The following PLA2G4A variants were observed in gnomAD, a reference collection of about 807,000 sequenced individuals.
The protein encoded by PLA2G4A is phospholipase A2 group IVA.
PLA2G4A carries 40 observed loss-of-function variants against 81.9 expected under a neutral mutation model. That is an observed-to-expected ratio of 0.49 (90% CI 0.38 to 0.64). PLA2G4A has a LOEUF of 0.64. Ranked by LOEUF, PLA2G4A falls within the 30% of genes least tolerant of loss-of-function variation. The pLI is 0.00. For synonymous variants in PLA2G4A, 302 were observed against 296.9 expected, an observed-to-expected ratio of 1.02 and a Z score of -0.18; for missense variants, 715 against 905.1, an observed-to-expected ratio of 0.79 and a Z score of 2.69.
intron 10 of PLA2G4A, among the ~76,000 whole-genome samples, chr1:186,942,404 C>T (rs1304417315): frequency 6.6e-6 from 1 of 152,094 alleles, no homozygotes; most frequent in Non-Finnish European, 1.5e-5. Context: ...ATTTAAAAGC[C>T]TTGTCTTACA....
In PLA2G4A at chr1:186,953,275, T is replaced by A. The variant is rs148115668; in HGVS notation, c.1336+2547T>A. Among the ~76,000 whole-genome samples, 989 of 152,334 alleles carry A rather than the reference T, an allele frequency of 6.5e-3. 3 individuals are homozygous for A. Among genetic ancestry groups the A allele is most frequent in the Middle Eastern group, 0.041 (12 of 294 alleles). On this transcript the variant is annotated intron_variant, in intron 13 of 17. Transcript: ENST00000367466. ...ATTGGTCATTCTAATAGGTATGTAG[T>A]AGTATCTTTTTATTGTTTTAATTTG...
Position 186,854,270 on chromosome 1 carries a change from A to G in PLA2G4A, c.-69-16A>G, listed in dbSNP as rs1652476207. 1 of 812,952 alleles carries G rather than the reference A, an allele frequency of 1.2e-6. No individual in the cohort carries two copies. The highest frequency in any genetic ancestry group is 2.2e-6 in the Non-Finnish European group (1 of 456,654). The allele number at this position is 812,952 out of a possible 1,614,324, so 50.4% of individuals were successfully genotyped here. A position where few individuals can be genotyped will look rare whatever the true frequency, so the allele number is the denominator to read the frequency against. On this transcript the variant is annotated splice_polypyrimidine_tract_variant and intron_variant, in intron 1 of 17. Coordinates refer to ENST00000367466, the MANE Select transcript of PLA2G4A (RefSeq NM_024420.3). ...TCCAAGAGGAAGCTTAACAATAGTG[A>G]TTGTTTATTTTGTAGGTTTTAAAGA...
Position 186,979,420 on chromosome 1 carries a change from C to T in PLA2G4A, c.2066C>T (p.Ala689Val). The T allele has an allele frequency of 6.3e-7, 1 of 1,599,954 alleles. No individual in the cohort carries two copies. Reference sequence around the variant, plus strand: ...TTCAATTTTCAATATCCAAATCAAGCATTCAAAAGACTACATGATCTTATG... The same window carrying T: ...TTCAATTTTCAATATCCAAATCAAGTATTCAAAAGACTACATGATCTTATG... ...STFNFQYPNQ[A>V]FKRLHDLMHF... The change falls in exon 17 of 18, where the codon GCA becomes GTA. Residue 689 changes from alanine to valine, a missense_variant. Transcript: ENST00000367466.
intron 1 of PLA2G4A, among the ~76,000 whole-genome samples, chr1:186,831,453 C>T (rs188933747): frequency 3.1e-4 from 47 of 152,196 alleles, no homozygotes; most frequent in Non-Finnish European, 5.3e-4. Context: ...TACAATATTA[C>T]GCTTGACATT....
chr1:186,872,411 A>G (rs983017871), intron 3 of PLA2G4A, among the ~76,000 whole-genome samples: 5 of 152,088 alleles, frequency 3.3e-5, no homozygotes, highest in African/African-American at 9.7e-5. Flanking sequence ...TCTTAATTCC[A>G]CTAAATTCTG....
At chr1:186,913,890 A>G (rs1236893403) in intron 7 of PLA2G4A, among the ~76,000 whole-genome samples, 1 of 152,122 alleles carries the variant, frequency 6.6e-6, no homozygotes, top group Non-Finnish European at 1.5e-5. Flanking sequence ...CAGATTTGCA[A>G]ATATGTTTTA....
chr1:186,984,529 AT>A, intron 17 of PLA2G4A, among the ~76,000 whole-genome samples: 1 of 152,250 alleles, frequency 6.6e-6, no homozygotes, highest in Non-Finnish European at 1.5e-5. Flanking sequence ...TTAAATGTTA[AT>A]TAAAATGAGG....
intron 15 of PLA2G4A, among the ~76,000 whole-genome samples, chr1:186,967,761 T>G (rs1657181166): frequency 6.6e-6 from 1 of 152,052 alleles, no homozygotes; most frequent in Non-Finnish European, 1.5e-5. Context: ...AGGAGTGATC[T>G]GATTAGAAGT....
At chr1:186,980,487 T>A (rs1240226567) in intron 17 of PLA2G4A, among the ~76,000 whole-genome samples, 1 of 152,214 alleles carries the variant, frequency 6.6e-6, no homozygotes, top group East Asian at 1.9e-4. Flanking sequence ...TTCAGTGGCC[T>A]AATTGGATTT....
intron 3 of PLA2G4A, among the ~76,000 whole-genome samples, chr1:186,879,378 G>A (rs1244786331): frequency 6.6e-6 from 1 of 151,940 alleles, no homozygotes; most frequent in African/African-American, 2.4e-5. Flanking sequence ...CTGAGTATGT[G>A]CTATGTAGTT....
At position 186,843,470 on chromosome 1, in the gene PLA2G4A, C is replaced by T. The variant is rs12033196; in HGVS notation, c.-69-10816C>T. ...GTCAATAGTAATTGAATTATCACTCCGGGCCCAACAGGAATACAGGGAGAA... is the reference window on the plus strand; with the variant it reads ...GTCAATAGTAATTGAATTATCACTCTGGGCCCAACAGGAATACAGGGAGAA... On this transcript the variant is annotated intron_variant, in intron 1 of 17. Coordinates refer to ENST00000367466, the MANE Select transcript of PLA2G4A (RefSeq NM_024420.3). 3.9e-5 allele frequency among the ~76,000 whole-genome samples: 6 copies of T among 152,272 alleles called. No homozygotes were observed. In the East Asian group the frequency reaches 5.8e-4, roughly 15 times the overall value.
chr1:186,952,038 T>C (rs1454723308), intron 13 of PLA2G4A, among the ~76,000 whole-genome samples: 1 of 152,158 alleles, frequency 6.6e-6, no homozygotes, highest in Non-Finnish European at 1.5e-5. Context: ...TTTTTAAAAT[T>C]TAAAATTTAT....
chr1:186,971,089 C>A (rs1447488902), intron 15 of PLA2G4A, among the ~76,000 whole-genome samples: 2 of 151,776 alleles, frequency 1.3e-5, no homozygotes, highest in Non-Finnish European at 2.9e-5. Flanking sequence ...ATATTTAACT[C>A]ATTAATCTTT....
chr1:186,981,836 T>A (rs1657728056), intron 17 of PLA2G4A, among the ~76,000 whole-genome samples: 1 of 152,158 alleles, frequency 6.6e-6, no homozygotes, highest in Non-Finnish European at 1.5e-5. Flanking sequence ...TAACTCATCT[T>A]GAAGAAAGAA....
At chr1:186,955,815 C>CCT (rs1220078445) in intron 13 of PLA2G4A, among the ~76,000 whole-genome samples, 1 of 146,058 alleles carries the variant, frequency 6.8e-6, no homozygotes, top group African/African-American at 2.5e-5. Context: ...CTCACTGCAA[C>CCT]CTCCGCCTCC....
intron 7 of PLA2G4A, among the ~76,000 whole-genome samples, chr1:186,911,827 T>C (rs1654955010): frequency 6.6e-6 from 1 of 152,106 alleles, no homozygotes; most frequent in Non-Finnish European, 1.5e-5. Flanking sequence ...CACGATATGC[T>C]TTCTGCAAGC....
At chr1:186,863,569 T>C (rs1009650062) in intron 2 of PLA2G4A, among the ~76,000 whole-genome samples, 1 of 152,114 alleles carries the variant, frequency 6.6e-6, no homozygotes, top group Non-Finnish European at 1.5e-5. Context: ...TGCTGTGCTA[T>C]AGAACACCAG....
intron 3 of PLA2G4A, among the ~76,000 whole-genome samples, chr1:186,871,582 C>T (rs562690128): frequency 1.7e-4 from 26 of 152,016 alleles, no homozygotes; most frequent in Admixed American, 1.5e-3. Context: ...GAGAAAACAG[C>T]GTGTTCCAAA....
chr1:186,905,534 G>GTT (rs887322142), intron 5 of PLA2G4A, among the ~76,000 whole-genome samples: 4 of 152,044 alleles, frequency 2.6e-5, no homozygotes, highest in African/African-American at 7.2e-5. Context: ...TTCTCAATTA[G>GTT]TTTATTAACT....
Sources: gnomAD v4.1 joint callset for allele counts (sites outside exome capture counted in the v4.1 genomes callset) on GRCh38, gnomAD v4.1.1 for gene constraint, MANE v1.5 for transcripts, NCBI Gene and HGNC (gene_info 2026-07-23, HGNC 2026-07-21) for gene names.